PDE7B: variants seen among roughly 807,000 people sequenced by gnomAD.
PDE7B encodes the protein 3',5'-cyclic-AMP phosphodiesterase 7B.
Under a neutral mutation model 56.2 loss-of-function variants are expected in PDE7B, and 29 were observed. That is an observed-to-expected ratio of 0.52 (90% CI 0.38 to 0.70). The LOEUF (loss-of-function observed/expected upper bound fraction) is 0.70, where lower values mean the gene tolerates loss of function less well. PDE7B is among the 30% of genes least tolerant of loss of function. The pLI is 0.00. For synonymous variants in PDE7B, 197 were observed against 196.9 expected, an observed-to-expected ratio of 1.00 and a Z score of 0.00; for missense variants, 490 against 565.0, an observed-to-expected ratio of 0.87 and a Z score of 1.35.
chr6:135,941,803 A>G (rs1269761583), intron 1 of PDE7B, among the ~76,000 whole-genome samples: 1 of 152,210 alleles, frequency 6.6e-6, no homozygotes, highest in African/African-American at 2.4e-5. Flanking sequence ...CCAAGCATCA[A>G]GGATTTCTGT....
At chr6:136,024,795 G>A (rs1776124504) in intron 2 of PDE7B, among the ~76,000 whole-genome samples, 1 of 152,168 alleles carries the variant, frequency 6.6e-6, no homozygotes, top group Non-Finnish European at 1.5e-5. Flanking sequence ...GAAAAACTCT[G>A]CCTCCAAAGG....
intron 2 of PDE7B, among the ~76,000 whole-genome samples, chr6:136,019,678 C>T (rs933852776): frequency 6.6e-6 from 1 of 152,096 alleles, no homozygotes; most frequent in Non-Finnish European, 1.5e-5. Flanking sequence ...CTACTAATAG[C>T]CTATTTTGAC....
intron 1 of PDE7B, among the ~76,000 whole-genome samples, chr6:135,858,774 T>G (rs1441899142): frequency 1.3e-5 from 2 of 152,232 alleles, no homozygotes; most frequent in Non-Finnish European, 2.9e-5. Flanking sequence ...TATTTTACCA[T>G]ACATATTTTA....
At chr6:135,980,140 A>G (rs1172106580) in intron 2 of PDE7B, among the ~76,000 whole-genome samples, 7 of 152,170 alleles carry the variant, frequency 4.6e-5, no homozygotes, top group Non-Finnish European at 1.0e-4. Context: ...AACGCTGCAT[A>G]TCTACAACTA....
intron 1 of PDE7B, among the ~76,000 whole-genome samples, chr6:135,859,396 TTTTTA>T (rs1439279850): frequency 6.6e-6 from 1 of 152,116 alleles, no homozygotes; most frequent in Non-Finnish European, 1.5e-5. Context: ...TATTTAGTAG[TTTTTA>T]TTTTCTGTTT....
intron 12 of PDE7B, among the ~76,000 whole-genome samples, chr6:136,190,548 C>T (rs1255460780): frequency 6.6e-6 from 1 of 152,140 alleles, no homozygotes; most frequent in African/African-American, 2.4e-5. Flanking sequence ...GCCTTTCTCC[C>T]CACAGCTACA....
At chr6:136,084,787 G>A (rs1405147805) in intron 2 of PDE7B, among the ~76,000 whole-genome samples, 1 of 152,084 alleles carries the variant, frequency 6.6e-6, no homozygotes, top group East Asian at 1.9e-4. Flanking sequence ...TTATCTTTAT[G>A]TTCTCCCTTT....
At chr6:136,037,969 GA>G (rs879192828) in intron 2 of PDE7B, 40 of 1,220,112 alleles carry the variant, frequency 3.3e-5, no homozygotes, top group Middle Eastern at 4.6e-4. Flanking sequence ...GAGAGGAGGG[GA>G]AAAAAAATGC....
chr6:136,044,809 T>A (rs1200343043), intron 2 of PDE7B: 1 of 152,030 alleles, frequency 6.6e-6, no homozygotes, highest in Non-Finnish European at 1.5e-5. Context: ...AAAAATAGAG[T>A]GCAAAAGGTG....
chr6:136,099,423 C>A (rs550029207), intron 2 of PDE7B, among the ~76,000 whole-genome samples: 1 of 152,326 alleles, frequency 6.6e-6, no homozygotes, highest in East Asian at 1.9e-4. Context: ...TTCTCCACAT[C>A]CTCTCCAGCA....
At chr6:136,022,109 T>C (rs1239484154) in intron 2 of PDE7B, among the ~76,000 whole-genome samples, 1 of 152,242 alleles carries the variant, frequency 6.6e-6, no homozygotes, top group Admixed American at 6.5e-5. Flanking sequence ...GCCAAATCTC[T>C]GCCTGGTTGC....
intron 1 of PDE7B, among the ~76,000 whole-genome samples, chr6:135,870,961 GC>G (rs150928296): frequency 0.064 from 9,773 of 152,042 alleles, 778 homozygotes; most frequent in African/African-American, 0.19. Flanking sequence ...TATTATTGGA[GC>G]CCTGCCCGAA....
chr6:135,988,618 A>C (rs1775422262), intron 2 of PDE7B, among the ~76,000 whole-genome samples: 1 of 152,204 alleles, frequency 6.6e-6, no homozygotes, highest in South Asian at 2.1e-4. Flanking sequence ...AGGGAGATAC[A>C]AAATATGTTC....
At chr6:136,103,573 A>G (rs1777599758) in intron 2 of PDE7B, among the ~76,000 whole-genome samples, 1 of 152,134 alleles carries the variant, frequency 6.6e-6, no homozygotes, top group Admixed American at 6.6e-5. Context: ...TGAATTAGTA[A>G]TGTGCTCAGC....
chr6:136,176,787 G>A (rs1407626889), intron 9 of PDE7B, among the ~76,000 whole-genome samples: 1 of 152,028 alleles, frequency 6.6e-6, no homozygotes, highest in African/African-American at 2.4e-5. Flanking sequence ...TCGTACTATT[G>A]ATAGCATTGG....
chr6:136,091,307 A>G (rs1277287814), intron 2 of PDE7B, among the ~76,000 whole-genome samples: 1 of 152,190 alleles, frequency 6.6e-6, no homozygotes, highest in Non-Finnish European at 1.5e-5. Flanking sequence ...TTCCTCCCAT[A>G]CTGGGCTGAG....
intron 2 of PDE7B, among the ~76,000 whole-genome samples, chr6:136,072,984 G>A (rs952442604): frequency 3.3e-5 from 5 of 152,124 alleles, no homozygotes; most frequent in Admixed American, 1.3e-4. Context: ...GCCACTCAAC[G>A]CACCCTTCTC....
intron 1 of PDE7B, among the ~76,000 whole-genome samples, chr6:135,932,417 C>A (rs1021862367): frequency 6.6e-6 from 1 of 151,936 alleles, no homozygotes; most frequent in African/African-American, 2.4e-5. Flanking sequence ...TCATACACCC[C>A]ATAGATGTAT....
At chr6:136,102,959 T>G (rs539367258) in intron 2 of PDE7B, among the ~76,000 whole-genome samples, 2 of 152,306 alleles carry the variant, frequency 1.3e-5, no homozygotes, top group South Asian at 4.1e-4. Context: ...TTCTCTGATT[T>G]TTATATGCAA....
Sources: allele counts gnomAD v4.1 joint callset (sites outside exome capture counted in the v4.1 genomes callset), GRCh38; gene constraint gnomAD v4.1.1; transcripts MANE v1.5; gene names NCBI Gene and HGNC (gene_info 2026-07-23, HGNC 2026-07-21).